C10orf143: variants seen among roughly 807,000 people sequenced by gnomAD.
The protein encoded by C10orf143 is chromosome 10 open reading frame 143, also known as uncharacterized protein C10orf143.
rs547995151 is a variant in C10orf143 at position 130,100,390 on chromosome 10, C to T, written c.69+10314G>A. On this transcript the variant is annotated intron_variant, in intron 1 of 3. Coordinates refer to ENST00000637128, the MANE Select transcript of C10orf143 (RefSeq NM_001355042.2). ...ACTAAAAATACAAAAATTAGCCAGG[C>T]GTGGTGGTGCGTGCCTGTAGTCCCA... 4.3e-4 allele frequency among the ~76,000 whole-genome samples: 65 copies of T among 151,804 alleles called. 1 individual carries two copies. The highest frequency in any genetic ancestry group is 1.4e-3 in the African/African-American group (60 of 41,414).
At chr10:130,106,502 A>G (rs763631530) in intron 1 of C10orf143, 1 of 1,601,368 alleles carries the variant, frequency 6.2e-7, no homozygotes, top group East Asian at 2.2e-5. Context: ...AAAAGAGTTA[A>G]AAGAAGAGAA....
intron 3 of C10orf143, among the ~76,000 whole-genome samples, chr10:130,074,433 G>A (rs1474189014): frequency 6.6e-6 from 1 of 152,210 alleles, no homozygotes; most frequent in Admixed American, 6.5e-5. Flanking sequence ...AGAAAGAACT[G>A]ACAAGGATGC....
At chr10:130,075,088 TG>T (rs1229925538) in intron 3 of C10orf143, among the ~76,000 whole-genome samples, 1 of 149,580 alleles carries the variant, frequency 6.7e-6, no homozygotes, top group Non-Finnish European at 1.5e-5. Flanking sequence ...TTGCCCTCAA[TG>T]AAAAAAAAAA....
intron 3 of C10orf143, among the ~76,000 whole-genome samples, chr10:130,046,262 G>A (rs2134727401): frequency 6.6e-6 from 1 of 152,158 alleles, no homozygotes; most frequent in East Asian, 2.0e-4. Flanking sequence ...GGGACGGGAC[G>A]CGGGGGCACG....
chr10:130,040,206 C>T (rs1411907814), intron 3 of C10orf143, among the ~76,000 whole-genome samples: 3 of 152,118 alleles, frequency 2.0e-5, no homozygotes, highest in Non-Finnish European at 4.4e-5. Context: ...CCCCCAGCCC[C>T]CAGTCCCTGC....
intron 3 of C10orf143, among the ~76,000 whole-genome samples, chr10:130,046,923 G>A (rs1443297461): frequency 6.6e-6 from 1 of 152,252 alleles, no homozygotes; most frequent in Non-Finnish European, 1.5e-5. Flanking sequence ...CACCCCTGAG[G>A]CGTGTGTGTG....
chr10:130,088,645 C>T (rs1354774430), intron 1 of C10orf143, among the ~76,000 whole-genome samples: 3 of 152,054 alleles, frequency 2.0e-5, no homozygotes, highest in Non-Finnish European at 2.9e-5. Context: ...TAGTTCAAGT[C>T]CTACCATGAT....
At chr10:130,089,165 A>C (rs528211017) in intron 1 of C10orf143, among the ~76,000 whole-genome samples, 16 of 152,168 alleles carry the variant, frequency 1.1e-4, no homozygotes, top group African/African-American at 3.6e-4. Flanking sequence ...AGGAAAAACC[A>C]CTCTTCTACT....
chr10:130,076,442 G>A (rs1350837049), intron 3 of C10orf143, among the ~76,000 whole-genome samples: 1 of 152,116 alleles, frequency 6.6e-6, no homozygotes, highest in Non-Finnish European at 1.5e-5. Context: ...TCGGAGCTGA[G>A]AAAAAAACAG....
chr10:130,055,566 C>T (rs929596824), intron 3 of C10orf143, among the ~76,000 whole-genome samples: 11 of 152,176 alleles, frequency 7.2e-5, no homozygotes, highest in African/African-American at 2.7e-4. Context: ...GATTTAAACT[C>T]ATTTTTAAAA....
chr10:130,078,240 AG>A (rs1217042685), intron 3 of C10orf143, among the ~76,000 whole-genome samples: 1 of 152,166 alleles, frequency 6.6e-6, no homozygotes, highest in Non-Finnish European at 1.5e-5. Context: ...CCAGAACACA[AG>A]CTCTCAAAGC....
intron 3 of C10orf143, among the ~76,000 whole-genome samples, chr10:130,044,325 G>A (rs769823405): frequency 1.3e-5 from 2 of 152,166 alleles, no homozygotes; most frequent in African/African-American, 2.4e-5. Flanking sequence ...AATAGGATAT[G>A]CGGATGTGGC....
At chr10:130,038,058 A>C (rs1246034348) in intron 3 of C10orf143, among the ~76,000 whole-genome samples, 1 of 152,088 alleles carries the variant, frequency 6.6e-6, no homozygotes, top group African/African-American at 2.4e-5. Context: ...ACTTAAATCC[A>C]ATTTATTTGC....
chr10:130,086,262 A>C (rs2134779529), intron 1 of C10orf143, among the ~76,000 whole-genome samples: 1 of 152,226 alleles, frequency 6.6e-6, no homozygotes, highest in East Asian at 1.9e-4. Context: ...TTCTCCACAC[A>C]AACGTACTCT....
chr10:130,076,320 A>T (rs1308809359), intron 3 of C10orf143, among the ~76,000 whole-genome samples: 1 of 152,156 alleles, frequency 6.6e-6, no homozygotes, highest in Non-Finnish European at 1.5e-5. Flanking sequence ...CTTCTCCCCC[A>T]CATTCCTGTG....
In C10orf143 at chr10:130,099,510, T is replaced by TTTTATTTA. The variant is rs140538908; in HGVS notation, c.69+11186_69+11193dup. Among the ~76,000 whole-genome samples the TTTTATTTA allele has an allele frequency of 8.6e-3, 1,284 of 148,634 alleles. 18 individuals carry two copies. The highest frequency in any genetic ancestry group is 0.029 in the African/African-American group (1,156 of 40,284). On this transcript the variant is annotated intron_variant, in intron 1 of 3. Coordinates refer to ENST00000637128, the MANE Select transcript of C10orf143 (RefSeq NM_001355042.2). The stretch of plus-strand genomic sequence containing the variant: ...TTAACTCTGAATCTTCTTCTTTTAT[T>TTTTATTTA]TTTATTTATTTATTTATTTATTTAT...
chr10:130,046,162 C>A (rs1860669380), intron 3 of C10orf143, among the ~76,000 whole-genome samples: 1 of 130,290 alleles, frequency 7.7e-6, no homozygotes, highest in Non-Finnish European at 1.6e-5. Context: ...AGGAGTGGGG[C>A]GAGAGGTGCT....
intron 3 of C10orf143, among the ~76,000 whole-genome samples, chr10:130,073,722 T>C (rs752477157): frequency 4.6e-5 from 7 of 152,172 alleles, no homozygotes; most frequent in Non-Finnish European, 1.0e-4. Flanking sequence ...ATTGAACTTG[T>C]TTCTTTTTTC....
chr10:130,064,804 C>T (rs1860903647), intron 3 of C10orf143: 1 of 152,350 alleles, frequency 6.6e-6, no homozygotes, highest in Non-Finnish European at 1.5e-5. Context: ...CGGCAATCCC[C>T]ACCAGGGCCC....
Sources: gnomAD v4.1 joint callset for allele counts (sites outside exome capture counted in the v4.1 genomes callset) on GRCh38, gnomAD v4.1.1 for gene constraint, MANE v1.5 for transcripts, NCBI Gene and HGNC (gene_info 2026-07-23, HGNC 2026-07-21) for gene names.